PTPRN2: variants seen among roughly 807,000 people sequenced by gnomAD.
PTPRN2 encodes the protein receptor-type tyrosine-protein phosphatase N2.
PTPRN2 carries 74 observed loss-of-function variants against 118.8 expected under a neutral mutation model. That is an observed-to-expected ratio of 0.62 (90% CI 0.52 to 0.76). The LOEUF is 0.76. PTPRN2 is among the 30% of genes least tolerant of loss of function. PTPRN2 has a pLI of 0.00. For synonymous variants in PTPRN2, 641 were observed against 608.0 expected (o/e 1.05, Z -0.80); for missense variants, 1,481 against 1,394.4 (o/e 1.06, Z -0.99).
chr7:158,270,536 C>T (rs1224897407), intron 3 of PTPRN2, among the ~76,000 whole-genome samples: 3 of 152,092 alleles, frequency 2.0e-5, no homozygotes, highest in Non-Finnish European at 4.4e-5. Context: ...CCAGGCCAGG[C>T]CCCCTGCAGT....
intron 6 of PTPRN2, among the ~76,000 whole-genome samples, chr7:158,141,883 T>A (rs1819416933): frequency 6.6e-6 from 1 of 152,182 alleles, no homozygotes; most frequent in South Asian, 2.1e-4. Flanking sequence ...TCCTTTAAAG[T>A]CAATCTGTAC....
At chr7:157,736,287 G>A (rs182772301) in intron 12 of PTPRN2, among the ~76,000 whole-genome samples, 2 of 152,332 alleles carry the variant, frequency 1.3e-5, no homozygotes, top group African/African-American at 4.8e-5. Flanking sequence ...TTTAGAGGTT[G>A]TTATAGGCTG....
At chr7:157,942,394 G>A (rs944647008) in intron 11 of PTPRN2, among the ~76,000 whole-genome samples, 6 of 152,230 alleles carry the variant, frequency 3.9e-5, no homozygotes, top group African/African-American at 1.2e-4. Context: ...ACTTCTGACT[G>A]CACAGCAGGT....
chr7:157,979,978 T>C (rs1481760738), intron 11 of PTPRN2, among the ~76,000 whole-genome samples: 1 of 152,208 alleles, frequency 6.6e-6, no homozygotes, highest in Non-Finnish European at 1.5e-5. Flanking sequence ...TAGCATCAGA[T>C]AACTAATAGA....
At chr7:158,073,817 C>T (rs1330193718) in intron 11 of PTPRN2, among the ~76,000 whole-genome samples, 1 of 152,192 alleles carries the variant, frequency 6.6e-6, no homozygotes, top group East Asian at 1.9e-4. Context: ...AGCCTCGCAT[C>T]ATGGAAGGAC....
chr7:158,372,205 CCCGGAGCTGGACA>C (rs1250191706), intron 2 of PTPRN2, among the ~76,000 whole-genome samples: 1 of 151,690 alleles, frequency 6.6e-6, no homozygotes, highest in African/African-American at 2.4e-5. Flanking sequence ...AACGCTGGTC[CCCGGAGCTGGACA>C]CCCCCAGGCT....
chr7:157,887,995 T>A (rs1796583335), intron 12 of PTPRN2, among the ~76,000 whole-genome samples: 1 of 150,488 alleles, frequency 6.6e-6, no homozygotes, highest in South Asian at 2.1e-4. Flanking sequence ...TGGCAGAGCT[T>A]CCCATGTGCT....
intron 6 of PTPRN2, among the ~76,000 whole-genome samples, chr7:158,153,556 G>T (rs192540038): frequency 7.6e-4 from 115 of 152,224 alleles, no homozygotes; most frequent in Non-Finnish European, 1.5e-4. Context: ...CACTGAAGAA[G>T]CGAGCCACTC....
chr7:158,139,658 T>C (rs1192093909), intron 6 of PTPRN2, among the ~76,000 whole-genome samples: 1 of 150,432 alleles, frequency 6.6e-6, no homozygotes, highest in Non-Finnish European at 1.5e-5. Flanking sequence ...AAGTCAGAGA[T>C]GGAGAAGATT....
At chr7:157,817,303 C>A (rs191015689) in intron 12 of PTPRN2, among the ~76,000 whole-genome samples, 1 of 152,162 alleles carries the variant, frequency 6.6e-6, no homozygotes, top group African/African-American at 2.4e-5. Flanking sequence ...TCGGAGAAGA[C>A]GTTGCTGCTC....
chr7:157,604,222 A>G (rs768495956), intron 15 of PTPRN2, 147 bp from the exon 16 acceptor site: 47 of 711,938 alleles, frequency 6.6e-5, no homozygotes, highest in Non-Finnish European at 1.0e-4. Flanking sequence ...GGGACTCCCA[A>G]ACAGCCTCCA....
Position 157,565,859 on chromosome 7 carries a change from C to T in PTPRN2, c.2902+3043G>A, listed in dbSNP as rs143841550. Among the ~76,000 whole-genome samples, 65 of 152,290 alleles carry T rather than the reference C, an allele frequency of 4.3e-4. 1 individual carries two copies. The highest frequency in any genetic ancestry group is 2.4e-4 in the African/African-American group (10 of 41,548). On this transcript the variant is annotated intron_variant, in intron 21 of 22. Coordinates refer to ENST00000389418, the MANE Select transcript of PTPRN2 (RefSeq NM_002847.5). ...AGATTCCTACACAATCGTCTATTAT[C>T]GGTGAGTTAGAAACGCATCTGCTGC...
At position 158,089,679 on chromosome 7, in the gene PTPRN2, T is replaced by C. The variant is rs1245113525; in HGVS notation, c.1644-8302A>G. On this transcript the variant is annotated intron_variant, in intron 10 of 22. Transcript: ENST00000389418. ...AGGGGGAGTCTTCACACAAACCTTC[T>C]TCCCCTGATGAAAGAGGGGGTCTTC... 2.1e-4 allele frequency among the ~76,000 whole-genome samples: 28 copies of C among 134,138 alleles called. 1 individual carries two copies. Among genetic ancestry groups the C allele is most frequent in the African/African-American group, 2.7e-4 (8 of 29,994 alleles). 88.0% of individuals were successfully genotyped at this position (134,138 alleles called of 152,430 possible). A position where few individuals can be genotyped will look rare whatever the true frequency, so the allele number is the denominator to read the frequency against.
intron 2 of PTPRN2, among the ~76,000 whole-genome samples, chr7:158,395,291 T>TGAGGGGCGAGGGGC (rs1268964023): frequency 2.0e-5 from 1 of 48,818 alleles, no homozygotes; most frequent in African/African-American, 8.3e-5. Context: ...AAGTGAGGGG[T>TGAGGGGCGAGGGGC]GAGGGGTGAG....
intron 2 of PTPRN2, among the ~76,000 whole-genome samples, chr7:158,333,498 A>T (rs955325219): frequency 4.0e-4 from 60 of 148,530 alleles, no homozygotes; most frequent in Non-Finnish European, 5.3e-4. Flanking sequence ...TGGAGACGTC[A>T]CTCACACCCA....
chr7:158,372,447 A>G (rs1281899987), intron 2 of PTPRN2, among the ~76,000 whole-genome samples: 1 of 93,628 alleles, frequency 1.1e-5, no homozygotes. Flanking sequence ...TGGTCCCCCC[A>G]ATGCTGGTCC....
intron 11 of PTPRN2, among the ~76,000 whole-genome samples, chr7:158,036,724 T>C (rs548559818): frequency 6.6e-6 from 1 of 152,318 alleles, no homozygotes; most frequent in East Asian, 1.9e-4. Context: ...ATTTTTTAAA[T>C]TTTAAGAAAC....
At chr7:158,523,570 C>CGTCTGCCCTGGAGCAGA (rs1457277534) in intron 1 of PTPRN2, among the ~76,000 whole-genome samples, 9 of 117,790 alleles carry the variant, frequency 7.6e-5, no homozygotes, top group Non-Finnish European at 1.4e-4. Context: ...GGAGTGGAGT[C>CGTCTGCCCTGGAGCAGA]GTCTGCCCTG....
At chr7:158,586,210 T>G (rs1364179714) in intron 1 of PTPRN2, among the ~76,000 whole-genome samples, 1 of 151,546 alleles carries the variant, frequency 6.6e-6, no homozygotes, top group African/African-American at 2.4e-5. Flanking sequence ...GGTTAGGGAG[T>G]GTGAGGAAAC....
Sources: gnomAD v4.1 joint callset for allele counts (sites outside exome capture counted in the v4.1 genomes callset) on GRCh38, gnomAD v4.1.1 for gene constraint, MANE v1.5 for transcripts, NCBI Gene and HGNC (gene_info 2026-07-23, HGNC 2026-07-21) for gene names.